The following PREP variants were observed in gnomAD, a reference collection of about 807,000 sequenced individuals.
PREP encodes the protein prolyl endopeptidase, also known as dJ355L5.1 (prolyl endopeptidase).
In PREP, 29 loss-of-function variants were observed where a neutral mutation model predicts 87.6. That is an observed-to-expected ratio of 0.33 (90% CI 0.25 to 0.45). PREP has a LOEUF of 0.45. Ranked by LOEUF, PREP falls within the 20% of genes least tolerant of loss-of-function variation. PREP has a pLI of 1.00. For synonymous variants in PREP, 337 were observed against 328.6 expected (o/e 1.03, Z -0.28); for missense variants, 695 against 886.5 (o/e 0.78, Z 2.74).
chr6:105,382,433 G>C (rs9500090), intron 2 of PREP, among the ~76,000 whole-genome samples: 1 of 151,832 alleles, frequency 6.6e-6, no homozygotes, highest in Non-Finnish European at 1.5e-5. Flanking sequence ...CTGTCAATTT[G>C]AAAAATTGAC....
intron 2 of PREP, among the ~76,000 whole-genome samples, chr6:105,387,272 A>G (rs1773023030): frequency 6.6e-6 from 1 of 152,198 alleles, no homozygotes; most frequent in Non-Finnish European, 1.5e-5. Context: ...GCAGTTCTTT[A>G]GATGTTCACT....
chr6:105,379,464 A>C (rs1772779891), intron 2 of PREP, among the ~76,000 whole-genome samples: 1 of 152,246 alleles, frequency 6.6e-6, no homozygotes, highest in Admixed American at 6.5e-5. Flanking sequence ...AAGTGTGTCC[A>C]AAAGCACTAC....
chr6:105,370,067 C>T (rs567943911), intron 5 of PREP, among the ~76,000 whole-genome samples: 3 of 152,068 alleles, frequency 2.0e-5, no homozygotes, highest in Admixed American at 6.6e-5. Flanking sequence ...GCCTGACCAA[C>T]ATGGTGAAAT....
intron 10 of PREP, among the ~76,000 whole-genome samples, chr6:105,316,952 CTAAT>C (rs1051064522): frequency 2.7e-5 from 4 of 149,994 alleles, no homozygotes; most frequent in African/African-American, 4.9e-5. Flanking sequence ...GCCATTTAGT[CTAAT>C]TAATTTTTTT....
chr6:105,351,504 C>A (rs1015737925), intron 7 of PREP, among the ~76,000 whole-genome samples: 19 of 151,980 alleles, frequency 1.3e-4, no homozygotes, highest in African/African-American at 4.4e-4. Flanking sequence ...AGATAAGGAC[C>A]GAGAGGTTGG....
chr6:105,392,104 G>A (rs1322985969), intron 2 of PREP, among the ~76,000 whole-genome samples: 1 of 150,002 alleles, frequency 6.7e-6, no homozygotes, highest in Non-Finnish European at 1.5e-5. Flanking sequence ...GAGTGCAGTG[G>A]CACCATCTTG....
chr6:105,300,962 CCTT>C (rs1400324410), intron 10 of PREP, among the ~76,000 whole-genome samples: 11 of 152,326 alleles, frequency 7.2e-5, no homozygotes, highest in East Asian at 1.9e-4. Flanking sequence ...TTATTATTCT[CCTT>C]GAGATGCGTA....
intron 6 of PREP, among the ~76,000 whole-genome samples, chr6:105,359,358 G>C (rs1479842848): frequency 1.3e-5 from 2 of 152,146 alleles, no homozygotes; most frequent in African/African-American, 2.4e-5. Context: ...GTGGTGAGCT[G>C]GACGGAAAAA....
intron 6 of PREP, among the ~76,000 whole-genome samples, chr6:105,367,103 T>C (rs1772406492): frequency 6.6e-6 from 1 of 152,228 alleles, no homozygotes; most frequent in Non-Finnish European, 1.5e-5. Flanking sequence ...TAAGTACAAT[T>C]TGTAAGTTGT....
chr6:105,397,271 G>A (rs1274304035), intron 2 of PREP, among the ~76,000 whole-genome samples: 2 of 151,890 alleles, frequency 1.3e-5, no homozygotes, highest in East Asian at 1.9e-4. Flanking sequence ...AGGACTTAGG[G>A]CCACCTTCAT....
intron 7 of PREP, among the ~76,000 whole-genome samples, chr6:105,341,569 A>G (rs1419617649): frequency 6.6e-6 from 1 of 152,224 alleles, no homozygotes; most frequent in Non-Finnish European, 1.5e-5. Flanking sequence ...GAGACACAAA[A>G]AACCCTTCAA....
At chr6:105,288,940 G>A (rs1429317116) in intron 10 of PREP, 46 bp from the exon 11 acceptor site, 1 of 1,562,264 alleles carries the variant, frequency 6.4e-7, no homozygotes, top group East Asian at 2.2e-5. Context: ...TTACTTAGTA[G>A]ATACTGCGTG....
chr6:105,287,937 T>C (rs897134427), intron 11 of PREP, among the ~76,000 whole-genome samples: 10 of 152,210 alleles, frequency 6.6e-5, no homozygotes, highest in African/African-American at 2.4e-4. Context: ...CTGAACGTAA[T>C]TATCTGGGAA....
At position 105,352,190 on chromosome 6, in the gene PREP, T is replaced by G. The variant is rs532764129; in HGVS notation, c.823+782A>C. Among the ~76,000 whole-genome samples, 51 of 152,334 alleles carry G rather than the reference T, an allele frequency of 3.3e-4. No individual in the cohort carries two copies. In the South Asian group the frequency reaches 0.01, roughly 31 times the overall value. ...CTAGAAGATAATGTAATTAGCTTAG[T>G]GTCTGTCCTTATCGGGGTGCCAGTA... On this transcript the variant is annotated intron_variant, in intron 7 of 14. Transcript: ENST00000652536.
At chr6:105,332,231 CA>C (rs1236981201) in intron 8 of PREP, among the ~76,000 whole-genome samples, 1 of 152,070 alleles carries the variant, frequency 6.6e-6, no homozygotes, top group African/African-American at 2.4e-5. Flanking sequence ...AAAAAGGGAC[CA>C]GCAGAAAGTG....
chr6:105,309,445 G>C (rs964063812), intron 10 of PREP, among the ~76,000 whole-genome samples: 3 of 152,084 alleles, frequency 2.0e-5, no homozygotes, highest in African/African-American at 7.2e-5. Context: ...TGCCACCCGG[G>C]TTCAAGCAAT....
intron 10 of PREP, among the ~76,000 whole-genome samples, chr6:105,316,411 C>G (rs1461602144): frequency 6.6e-6 from 1 of 152,154 alleles, no homozygotes; most frequent in African/African-American, 2.4e-5. Flanking sequence ...TGCCCCAGAA[C>G]AATGACGATC....
At chr6:105,311,510 G>A (rs1263933986) in intron 10 of PREP, among the ~76,000 whole-genome samples, 2 of 152,226 alleles carry the variant, frequency 1.3e-5, no homozygotes, top group South Asian at 2.1e-4. Flanking sequence ...GGAACTTCCC[G>A]TGACCACTCC....
intron 7 of PREP, among the ~76,000 whole-genome samples, chr6:105,346,770 T>G (rs1316709386): frequency 6.6e-6 from 1 of 152,248 alleles, no homozygotes; most frequent in African/African-American, 2.4e-5. Flanking sequence ...TAACAATCAC[T>G]TCTTAAGAAT....
Sources: allele counts gnomAD v4.1 joint callset (sites outside exome capture counted in the v4.1 genomes callset), GRCh38; gene constraint gnomAD v4.1.1; transcripts MANE v1.5; gene names NCBI Gene and HGNC (gene_info 2026-07-23, HGNC 2026-07-21).